Variants in EXOSC3 observed in about 807,000 individuals in gnomAD.
EXOSC3 encodes exosome complex component RRP40.
In EXOSC3, 18 loss-of-function variants were observed where a neutral mutation model predicts 25.1. The observed-to-expected ratio is 0.72, with a 90% CI of 0.50 to 1.06. The LOEUF is 1.06. Among genes scored for constraint, EXOSC3 ranks in the 50% least tolerant of loss-of-function variants. EXOSC3 has a pLI of 0.00. For synonymous variants in EXOSC3, 165 were observed against 132.2 expected (o/e 1.25, Z -1.70); for missense variants, 382 against 350.9 (o/e 1.09, Z -0.71).
chr9:37,784,972 C>T lies in EXOSC3; in HGVS notation c.73G>A (p.Gly25Ser). The change falls in exon 1 of 4, where the codon GGT (glycine) becomes AGT (serine). Residue 25 changes from glycine to serine, a missense_variant. Gly to Ser is a moderately conservative substitution (Grantham distance 56). Transcript: ENST00000327304. ...SRARAARTVL[G>S]QVVLPGEELL... The stretch of plus-strand genomic sequence containing the variant: ...TCCTCACCCGGGAGCACCACCTGAC[C>T]TAGTACTGTGCGTGCAGCGCGCGCC... 1 of 1,612,998 alleles carries T rather than the reference C, an allele frequency of 6.2e-7. No homozygotes were observed.
In EXOSC3 at chr9:37,780,557, C is replaced by CT; in HGVS notation, c.*121dup. 1 of 754,236 alleles carries CT rather than the reference C, an allele frequency of 1.3e-6. No individual in the cohort carries two copies. The highest frequency in any genetic ancestry group is 2.2e-6 in the Non-Finnish European group (1 of 463,166). 46.7% of individuals were successfully genotyped at this position (754,236 alleles called of 1,614,324 possible). A position where few individuals can be genotyped will look rare whatever the true frequency, so the allele number is the denominator to read the frequency against. Reference sequence around the variant, plus strand: ...TGAAAACCAGTAACTTATAAAAATACTTTCGGACTCTAATAATACATACAT... The same window carrying CT: ...TGAAAACCAGTAACTTATAAAAATACTTTTCGGACTCTAATAATACATACAT... On this transcript the variant is annotated 3_prime_UTR_variant, in exon 4 of 4. Coordinates refer to ENST00000327304, the MANE Select transcript of EXOSC3 (RefSeq NM_016042.4).
rs1030215578 is a variant in EXOSC3, at chr9:37,780,822, T to C, written c.685A>G (p.Ile229Val). ...ATTCTTCCATTCATTCCAAATACTA[T>C]CTCCAGTGGATAGAGTTTTCCCACT... Reference protein sequence around the residue: ...QEVGKLYPLEIVFGMNGRIWV... With the variant: ...QEVGKLYPLEVVFGMNGRIWV... Residue 229 changes from isoleucine (I) to valine (V), a missense_variant, in exon 4 of 4, where the codon ATA becomes GTA. Physicochemically the swap from Ile to Val is conservative, Grantham distance 29 (BLOSUM62 3). Transcript: ENST00000327304. The C allele has an allele frequency of 6.2e-7, 1 of 1,613,798 alleles. No individual in the cohort carries two copies. Among genetic ancestry groups the C allele is most frequent in the African/African-American group, 1.3e-5 (1 of 75,062 alleles).
chr9:37,784,133 G>GTC (rs1828653380), intron 1 of EXOSC3, 70 bp from the exon 2 acceptor site: 1 of 1,479,918 alleles, frequency 6.8e-7, no homozygotes, highest in Admixed American at 2.2e-5. Context: ...CCTTCAGCAA[G>GTC]TCCTTTGTGG....
At chr9:37,784,238 T>G in intron 1 of EXOSC3, 175 bp from the exon 2 acceptor site, 1 of 626,086 alleles carries the variant, frequency 1.6e-6, no homozygotes, top group East Asian at 2.9e-5. Context: ...CTTCTGGTAG[T>G]CTGTTAATTG....
At chr9:37,783,615 G>A (rs918270657) in intron 2 of EXOSC3, among the ~76,000 whole-genome samples, 1 of 152,030 alleles carries the variant, frequency 6.6e-6, no homozygotes, top group Non-Finnish European at 1.5e-5. Context: ...TTGTCCAGAG[G>A]ATATGGACAT....
chr9:37,785,073 T>C (rs1415068571), upstream of EXOSC3: 5 of 1,567,836 alleles, frequency 3.2e-6, no homozygotes, highest in Non-Finnish European at 4.3e-6. Context: ...CCGTTTCCGG[T>C]ACCCGCCTTC....
In EXOSC3 at chr9:37,782,002, G is replaced by C. The variant is rs1228573588; in HGVS notation, c.610C>G (p.Leu204Val). The C allele has an allele frequency of 4.3e-6, 7 of 1,613,550 alleles. No homozygotes were observed. The highest frequency in any genetic ancestry group is 1.3e-5 in the African/African-American group (1 of 74,918). ...GQDGLLFKVT[L>V]GLIRKLLAPD... ...AGGACTTACTTTCTAATTAAGCCCAGAGTCACTTTAAAAAGCAGACCATCC... is the reference window on the plus strand; with the variant it reads ...AGGACTTACTTTCTAATTAAGCCCACAGTCACTTTAAAAAGCAGACCATCC... The change falls in exon 3 of 4, where the codon CTG becomes GTG. Residue 204 changes from leucine (L) to valine (V), a missense_variant. By Grantham distance (32) the Leu-to-Val change is conservative (BLOSUM62 1). Coordinates refer to ENST00000327304, the MANE Select transcript of EXOSC3 (RefSeq NM_016042.4).
At chr9:37,784,579 A>G in intron 1 of EXOSC3, 142 bp downstream of exon 1, 1 of 911,018 alleles carries the variant, frequency 1.1e-6, no homozygotes, top group Non-Finnish European at 1.6e-6. Context: ...AAGGACATGC[A>G]GAAGTGGGCA....
rs7158 is a variant in EXOSC3 at position 37,782,114 on chromosome 9, C to T, written c.498G>A (p.Gln166=). Residue 166 remains glutamine (Q), a synonymous_variant, in exon 3 of 4, where the codon CAG becomes CAA. Coordinates refer to ENST00000327304, the MANE Select transcript of EXOSC3 (RefSeq NM_016042.4). The part of the protein sequence containing the change: ...NVQVGDLIYG[Q]FVVANKDMEP... ...CCATGTCTTTATTAGCAACCACAAA[C>T]TGGCCATAGATGAGATCTCCAACCT... 0.52 allele frequency: 833,309 copies of T among 1,613,092 alleles called. 216,752 individuals carry two copies. Among genetic ancestry groups the T allele is most frequent in the Admixed American group, 0.6 (36,047 of 59,984 alleles).
chr9:37,783,298 G>T (rs1436000768), intron 2 of EXOSC3, among the ~76,000 whole-genome samples: 1 of 152,194 alleles, frequency 6.6e-6, no homozygotes, highest in Non-Finnish European at 1.5e-5. Flanking sequence ...GGGAGCTGAA[G>T]CCTGAACTTG....
chr9:37,781,729 A>G (rs1400320774), intron 3 of EXOSC3: 6 of 406,982 alleles, frequency 1.5e-5, no homozygotes, highest in African/African-American at 1.2e-4. Flanking sequence ...GAAGGAAGAT[A>G]TGAATACAGA....
chr9:37,783,747 G>T, intron 2 of EXOSC3, 167 bp downstream of exon 2: 1 of 485,672 alleles, frequency 2.1e-6, no homozygotes, highest in Non-Finnish European at 3.5e-6. Context: ...TAATTATGTG[G>T]CTCTGATCCT....
chr9:37,784,574 C>A (rs1828665431), intron 1 of EXOSC3, 147 bp downstream of exon 1: 1 of 869,414 alleles, frequency 1.2e-6, no homozygotes. Flanking sequence ...CTCTAAAGGA[C>A]ATGCAGAAGT....
rs1828668123 is a variant in EXOSC3, at chr9:37,784,710, T to C, written c.324+11A>G. On this transcript the variant is annotated intron_variant, in intron 1 of 3. Coordinates refer to ENST00000327304, the MANE Select transcript of EXOSC3 (RefSeq NM_016042.4). ...TCACTGCCGCACCACCCCTCCGGAGTCCCAGCTCACCCGCTTCTGCTGAGA... is the reference window on the plus strand; with the variant it reads ...TCACTGCCGCACCACCCCTCCGGAGCCCCAGCTCACCCGCTTCTGCTGAGA... The C allele has an allele frequency of 6.3e-7, 1 of 1,581,746 alleles. No homozygotes were observed. Among genetic ancestry groups the C allele is most frequent in the African/African-American group, 1.3e-5 (1 of 74,432 alleles).
At position 37,780,366 on chromosome 9, in the gene EXOSC3, A is replaced by C. The variant is rs1014308720; in HGVS notation, c.*313T>G. On this transcript the variant is annotated 3_prime_UTR_variant, in exon 4 of 4. Transcript: ENST00000327304. The stretch of plus-strand genomic sequence containing the variant: ...TCTGGTGAACCTGGCTTACTGTTAT[A>C]ATCACAAAATTATTTTACTGCTGAC... 5 of 290,786 alleles carry C rather than the reference A, an allele frequency of 1.7e-5. No individual in the cohort carries two copies. Among genetic ancestry groups the C allele is most frequent in the Non-Finnish European group, 3.2e-5 (5 of 153,996 alleles). 18.0% of individuals were successfully genotyped at this position (290,786 alleles called of 1,614,324 possible). A position where few individuals can be genotyped will look rare whatever the true frequency, so the allele number is the denominator to read the frequency against.
intron 1 of EXOSC3, 47 bp downstream of exon 1, chr9:37,784,674 G>A (rs1458765252): frequency 5.9e-6 from 9 of 1,532,160 alleles, no homozygotes; most frequent in South Asian, 1.2e-5. Context: ...CTCAAAGCAG[G>A]GCTACCACTC....
At chr9:37,781,382 G>C (rs1828592299) in intron 3 of EXOSC3, among the ~76,000 whole-genome samples, 1 of 149,068 alleles carries the variant, frequency 6.7e-6, no homozygotes, top group Non-Finnish European at 1.5e-5. Flanking sequence ...AGGATATGTA[G>C]TAAGGAGAGG....
Position 37,782,264 on chromosome 9 carries a change from G to A in EXOSC3, c.475-127C>T, listed in dbSNP as rs1426403295. The A allele has an allele frequency of 4.4e-6, 4 of 909,684 alleles. No individual in the cohort carries two copies. In the African/African-American group the frequency reaches 5.0e-5, roughly 11 times the overall value. The allele number at this position is 909,684 out of a possible 1,614,324, so 56.4% of individuals were successfully genotyped here. ...TGGCTAAGGGACTGACTGCACTATA[G>A]GATTCCCACAGTCACTTTGGAGTTG... is the stretch of plus-strand genomic sequence containing the variant. On this transcript the variant is annotated intron_variant, in intron 2 of 3. Transcript: ENST00000327304.
intron 2 of EXOSC3, 134 bp downstream of exon 2, chr9:37,783,780 G>C: frequency 1.2e-6 from 1 of 806,936 alleles, no homozygotes; most frequent in Non-Finnish European, 1.8e-6. Context: ...GAAACTCTTG[G>C]AGCCTGGGGC....
Sources: allele counts gnomAD v4.1 joint callset (sites outside exome capture counted in the v4.1 genomes callset), GRCh38; gene constraint gnomAD v4.1.1; transcripts MANE v1.5; gene names NCBI Gene and HGNC (gene_info 2026-07-23, HGNC 2026-07-21).